GGT6: variants seen among roughly 807,000 people sequenced by gnomAD.
GGT6 encodes the protein glutathione hydrolase 6.
Under a neutral mutation model 17.0 loss-of-function variants are expected in GGT6, and 13 were observed. The ratio of observed to expected loss-of-function variants is 0.77; its 90% CI spans 0.50 to 1.22. The LOEUF (loss-of-function observed/expected upper bound fraction) is 1.22. GGT6 is among the 50% of genes most tolerant of loss of function. The pLI, the probability that GGT6 is intolerant of heterozygous loss-of-function variation, is 0.00. For synonymous variants in GGT6, 305 were observed against 297.9 expected, an observed-to-expected ratio of 1.02 and a Z score of -0.25; for missense variants, 628 against 643.7, an observed-to-expected ratio of 0.98 and a Z score of 0.26.
chr17:4,558,917 C>T lies in GGT6; in HGVS notation c.598G>A (p.Gly200Ser), dbSNP rs754341274. 3.9e-6 allele frequency: 6 copies of T among 1,548,874 alleles called. No individual in the cohort carries two copies. Among genetic ancestry groups the T allele is most frequent in the Admixed American group, 3.9e-5 (2 of 50,884 alleles). ...AGCAGGCGTGGCCAGGGCAGGCGGCCGAAGCGTGCATGCAGCAGGTGCAGG... is the reference window on the plus strand; with the variant it reads ...AGCAGGCGTGGCCAGGGCAGGCGGCTGAAGCGTGCATGCAGCAGGTGCAGG... ...PTLHLLHARF[G>S]RLPWPRLLVG... The change falls in exon 4 of 4, where the codon GGC (glycine) becomes AGC (serine). Residue 200 changes from glycine (G) to serine (S), a missense_variant. Transcript: ENST00000381550.
At chr17:4,560,327 G>A in intron 1 of GGT6, 55 bp downstream of exon 1, 2 of 1,606,460 alleles carry the variant, frequency 1.2e-6, no homozygotes, top group Non-Finnish European at 1.7e-6. Flanking sequence ...CAGAGAGAGG[G>A]ACTTGCCAAC....
Position 4,560,437 on chromosome 17 carries a change from C to G in GGT6, c.85G>C (p.Glu29Gln). 1 of 1,613,974 alleles carries G rather than the reference C, an allele frequency of 6.2e-7. No homozygotes were observed. Among genetic ancestry groups the G allele is most frequent in the East Asian group, 2.2e-5 (1 of 44,878 alleles). ...SLESEEEVEEEETSEALVLNP... is the reference protein window; with the variant it reads ...SLESEEEVEEQETSEALVLNP... ...AGAACCAGCGCCTCTGATGTCTCCTCCTCCTCCACTTCCTCCTCCGACTCC... is the reference window on the plus strand; with the variant it reads ...AGAACCAGCGCCTCTGATGTCTCCTGCTCCTCCACTTCCTCCTCCGACTCC... The change falls in exon 1 of 4, where the codon GAG becomes CAG. Residue 29 changes from glutamate to glutamine, a missense_variant. By Grantham distance (29) the Glu-to-Gln change is conservative. Coordinates refer to ENST00000381550, the MANE Select transcript of GGT6 (RefSeq NM_001288702.2).
At position 4,558,064 on chromosome 17, in the gene GGT6, G is replaced by A. The variant is rs776411127; in HGVS notation, c.1451C>T (p.Ala484Val). The A allele has an allele frequency of 6.9e-6, 11 of 1,588,398 alleles. No homozygotes were observed. The highest frequency in any genetic ancestry group is 9.4e-6 in the Non-Finnish European group (11 of 1,166,418). ...GGCATGGGGGACACTGGAGACATGGGCGTGCTCTGTGTGGGCTGCCACCTG... is the reference window on the plus strand; with the variant it reads ...GGCATGGGGGACACTGGAGACATGGACGTGCTCTGTGTGGGCTGCCACCTG... ...LLQVAAHTEH[A>V]HVSSVPHACC... The change falls in exon 4 of 4, where the codon GCC becomes GTC. Residue 484 changes from alanine to valine, a missense_variant. Ala to Val is a moderately conservative substitution (Grantham distance 64). Coordinates refer to ENST00000381550, the MANE Select transcript of GGT6 (RefSeq NM_001288702.2).
rs3760193 is a variant in GGT6, at chr17:4,557,150, G to A, written c.*865C>T. ...TAGCCCCAGGCCCTACTGCTTTTTCGTTATTACCCTGATTTTCTTAGCTGA... is the reference window on the plus strand; with the variant it reads ...TAGCCCCAGGCCCTACTGCTTTTTCATTATTACCCTGATTTTCTTAGCTGA... On this transcript the variant is annotated 3_prime_UTR_variant, in exon 4 of 4. Coordinates refer to ENST00000381550, the MANE Select transcript of GGT6 (RefSeq NM_001288702.2). The A allele has an allele frequency of 0.14, 21,927 of 152,036 alleles. 1,913 individuals carry two copies. The highest frequency in any genetic ancestry group is 0.23 in the South Asian group (1,085 of 4,820). 9.4% of individuals were successfully genotyped at this position (152,036 alleles called of 1,614,324 possible).
At position 4,558,810 on chromosome 17, in the gene GGT6, T is replaced by C. The variant is rs1479896353; in HGVS notation, c.705A>G (p.Glu235=). Residue 235 remains glutamate (E), a synonymous_variant, in exon 4 of 4, where the codon GAA becomes GAG. Transcript: ENST00000381550. ...LARALVARGT[E]GLCPLLCHAD... Reference sequence around the variant, plus strand: ...CATGGCAAAGTAGTGGACAGAGGCCTTCTGTGCCCCGAGCCACCAGAGCCC... The same window carrying C: ...CATGGCAAAGTAGTGGACAGAGGCCCTCTGTGCCCCGAGCCACCAGAGCCC... 1 of 1,553,222 alleles carries C rather than the reference T, an allele frequency of 6.4e-7. No individual in the cohort carries two copies. The highest frequency in any genetic ancestry group is 2.4e-5 in the East Asian group (1 of 41,314).
downstream of GGT6, among the ~76,000 whole-genome samples, chr17:4,556,590 G>A (rs1908146830): frequency 6.6e-6 from 1 of 152,194 alleles, no homozygotes; most frequent in Admixed American, 6.5e-5. Context: ...GGTCCAGAGA[G>A]GACCTAACCC....
At position 4,557,629 on chromosome 17, in the gene GGT6, A is replaced by G. The variant is rs1448120593; in HGVS notation, c.*386T>C. Reference sequence around the variant, plus strand: ...CGCACCCAGCTATTTTTTTATTATTATTATTATTATTTTAAAGACAGGTTC... The same window carrying G: ...CGCACCCAGCTATTTTTTTATTATTGTTATTATTATTTTAAAGACAGGTTC... On this transcript the variant is annotated 3_prime_UTR_variant, in exon 4 of 4. Coordinates refer to ENST00000381550, the MANE Select transcript of GGT6 (RefSeq NM_001288702.2). 6.6e-6 allele frequency: 1 copy of G among 150,922 alleles called. No homozygotes were observed. Among genetic ancestry groups the G allele is most frequent in the African/African-American group, 2.5e-5 (1 of 40,552 alleles). The allele number at this position is 150,922 out of a possible 1,614,324, so 9.3% of individuals were successfully genotyped here.
At chr17:4,559,296 A>G (rs1022350469) in intron 3 of GGT6, 47 bp downstream of exon 3, 46 of 1,434,378 alleles carry the variant, frequency 3.2e-5, no homozygotes, top group Non-Finnish European at 4.3e-5. Context: ...CAGGTCACTG[A>G]TCAGGCTGTG....
rs1159217514 is a variant in GGT6, at chr17:4,558,366, G to A, written c.1149C>T (p.His383=). The change falls in exon 4 of 4, where the codon CAC becomes CAT. Residue 383 remains histidine (H), a synonymous_variant. Transcript: ENST00000381550. The stretch of plus-strand genomic sequence containing the variant: ...GCAGAACCCCAGTGCTTGGGGACAG[G>A]TGTGCAGAGCCAAAGGAGCAGTTGA... The part of the protein sequence containing the change: ...SSLNCSFGSA[H]LSPSTGVLLS... The A allele has an allele frequency of 5.0e-5, 80 of 1,606,738 alleles. No individual in the cohort carries two copies. The highest frequency in any genetic ancestry group is 6.7e-5 in the Non-Finnish European group (79 of 1,180,014).
Position 4,558,805 on chromosome 17 carries a change from A to G in GGT6, c.710T>C (p.Leu237Pro). Residue 237 changes from leucine (L) to proline (P), a missense_variant, in exon 4 of 4, where the codon CTC becomes CCC. By Grantham distance (98) the Leu-to-Pro change is moderately conservative. Transcript: ENST00000381550. ...ATCAGCATGGCAAAGTAGTGGACAG[A>G]GGCCTTCTGTGCCCCGAGCCACCAG... The part of the protein sequence containing the change: ...RALVARGTEG[L>P]CPLLCHADGT... The G allele has an allele frequency of 6.4e-7, 1 of 1,555,094 alleles. No individual in the cohort carries two copies. The highest frequency in any genetic ancestry group is 8.7e-7 in the Non-Finnish European group (1 of 1,149,214).
chr17:4,557,744 G>C lies in GGT6; in HGVS notation c.*271C>G. ...GAGCTCAAGCGAGCTTCCTGCCTCA[G>C]CCTCCCAAGCAGCTGGGACAACAGG... On this transcript the variant is annotated 3_prime_UTR_variant, in exon 4 of 4. Coordinates refer to ENST00000381550, the MANE Select transcript of GGT6 (RefSeq NM_001288702.2). The C allele has an allele frequency of 2.8e-6, 1 of 355,950 alleles. No homozygotes were observed. Among genetic ancestry groups the C allele is most frequent in the South Asian group, 6.6e-5 (1 of 15,062 alleles). 22.0% of individuals were successfully genotyped at this position (355,950 alleles called of 1,614,324 possible).
At chr17:4,560,306 C>G (rs1908549096) in intron 1 of GGT6, 76 bp downstream of exon 1, 2 of 1,570,522 alleles carry the variant, frequency 1.3e-6, no homozygotes, top group East Asian at 4.5e-5. Flanking sequence ...CCTGGTCCCC[C>G]TGAGGGGCTC....
rs1345388994 is a variant in GGT6 at position 4,559,403 on chromosome 17, C to T, written c.397G>A (p.Asp133Asn). 6.4e-7 allele frequency: 1 copy of T among 1,551,786 alleles called. No individual in the cohort carries two copies. The highest frequency in any genetic ancestry group is 2.4e-5 in the East Asian group (1 of 40,924). Residue 133 changes from aspartate to asparagine, a missense_variant, in exon 3 of 4, where the codon GAT (aspartate) becomes AAT (asparagine). By Grantham distance (23) the Asp-to-Asn change is conservative. Transcript: ENST00000381550. ...CACAATGCAGCTCCAACTCCAGCATCCACGACGTTGCCCCCGGCAACAAGC... is the reference window on the plus strand; with the variant it reads ...CACAATGCAGCTCCAACTCCAGCATTCACGACGTTGCCCCCGGCAACAAGC... ...ELLVAGGNVV[D>N]AGVGAALCLA... is the part of the protein sequence containing the mutation.
Position 4,558,014 on chromosome 17 carries a change from G to T in GGT6, c.*1C>A. Reference sequence around the variant, plus strand: ...CTTCTGCCAGACCCACCCCCATCCTGTTAGAACCCCTGGAAGGGGCAGCAG... The same window carrying T: ...CTTCTGCCAGACCCACCCCCATCCTTTTAGAACCCCTGGAAGGGGCAGCAG... On this transcript the variant is annotated 3_prime_UTR_variant, in exon 4 of 4. Transcript: ENST00000381550. 1 of 1,525,158 alleles carries T rather than the reference G, an allele frequency of 6.6e-7. No homozygotes were observed. The highest frequency in any genetic ancestry group is 8.8e-7 in the Non-Finnish European group (1 of 1,137,488). The allele number at this position is 1,525,158 out of a possible 1,614,324, so 94.5% of individuals were successfully genotyped here.
rs1307860725 is a variant in GGT6 at position 4,559,076 on chromosome 17, T to C, written c.458-19A>G. 2 of 1,539,044 alleles carry C rather than the reference T, an allele frequency of 1.3e-6. No individual in the cohort carries two copies. Among genetic ancestry groups the C allele is most frequent in the Non-Finnish European group, 1.7e-6 (2 of 1,146,680 alleles). ...ATGGCACCTGCAGGAGACAGAGGGG[T>C]CCCTCAGCAGCCGCAGGTCAAGGGT... On this transcript the variant is annotated intron_variant, in intron 3 of 3. Transcript: ENST00000381550.
chr17:4,558,043 T>C lies in GGT6; in HGVS notation c.1472A>G (p.His491Arg), dbSNP rs1206824838. Residue 491 changes from histidine to arginine, a missense_variant, in exon 4 of 4, where the codon CAT becomes CGT. By Grantham distance (29) the His-to-Arg change is conservative. Coordinates refer to ENST00000381550, the MANE Select transcript of GGT6 (RefSeq NM_001288702.2). ...TEHAHVSSVP[H>R]ACCPFQGF ...GAACCCCTGGAAGGGGCAGCAGGCA[T>C]GGGGGACACTGGAGACATGGGCGTG... 4.5e-6 allele frequency: 7 copies of C among 1,559,662 alleles called. No homozygotes were observed. The Admixed American group carries it at 7.3e-5, about 16-fold the overall frequency.
At chr17:4,559,306 G>A (rs755987817) in intron 3 of GGT6, 37 bp downstream of exon 3, 2 of 1,465,268 alleles carry the variant, frequency 1.4e-6, no homozygotes, top group Non-Finnish European at 9.4e-7. Flanking sequence ...ATCAGGCTGT[G>A]GGTTGGGGTT....
chr17:4,559,142 G>C, intron 3 of GGT6, 85 bp from the exon 4 acceptor site: 2 of 1,492,394 alleles, frequency 1.3e-6, no homozygotes. Flanking sequence ...CTGAGCCTGG[G>C]ATCAGGAGTT....
Sources: gnomAD v4.1 joint callset for allele counts (sites outside exome capture counted in the v4.1 genomes callset) on GRCh38, gnomAD v4.1.1 for gene constraint, MANE v1.5 for transcripts, NCBI Gene and HGNC (gene_info 2026-07-23, HGNC 2026-07-21) for gene names.